CCSER2: variants seen among roughly 807,000 people sequenced by gnomAD.
CCSER2 encodes serine-rich coiled-coil domain-containing protein 2.
Under a neutral mutation model 92.3 loss-of-function variants are expected in CCSER2, and 46 were observed. The ratio of observed to expected loss-of-function variants is 0.50; its 90% CI spans 0.39 to 0.64. The LOEUF (loss-of-function observed/expected upper bound fraction) is 0.64. Ranked by LOEUF, CCSER2 falls within the 30% of genes least tolerant of loss-of-function variation. CCSER2 has a pLI of 0.00. For synonymous variants in CCSER2, 433 were observed against 431.4 expected, an observed-to-expected ratio of 1.00 and a Z score of -0.04; for missense variants, 1,244 against 1,238.9, an observed-to-expected ratio of 1.00 and a Z score of -0.06.
At chr10:84,490,811 G>GTGC (rs1386254643) in intron 9 of CCSER2, among the ~76,000 whole-genome samples, 1 of 152,224 alleles carries the variant, frequency 6.6e-6, no homozygotes. Context: ...AGGGGGAGAG[G>GTGC]TGCTCTGATT....
At chr10:84,341,124 T>C (rs1413183367) in intron 1 of CCSER2, among the ~76,000 whole-genome samples, 1 of 147,718 alleles carries the variant, frequency 6.8e-6, no homozygotes, top group African/African-American at 2.5e-5. Context: ...CACTGTAGCC[T>C]TAACCTCCTG....
intron 1 of CCSER2, among the ~76,000 whole-genome samples, chr10:84,337,492 T>C (rs537714379): frequency 2.0e-5 from 3 of 152,180 alleles, no homozygotes; most frequent in Non-Finnish European, 4.4e-5. Context: ...AAGTGAAGAC[T>C]TGATTGGAGT....
chr10:84,513,621 AC>A lies in CCSER2; in HGVS notation c.2499del (p.Tyr834MetfsTer14). 3 of 1,608,602 alleles carry A rather than the reference AC, an allele frequency of 1.9e-6. No individual in the cohort carries two copies. The highest frequency in any genetic ancestry group is 2.5e-6 in the Non-Finnish European group (3 of 1,177,956). Reference sequence around the variant, plus strand: ...ACACACGTCTTGCACCAAGAAAGCAACTATGGTTTGGAAGAGCAGCCTTTTT... The same window carrying A: ...ACACACGTCTTGCACCAAGAAAGCAATATGGTTTGGAAGAGCAGCCTTTTT... ...SFTHVLHQES[N>X]YGLEEQPFSS... On this transcript the variant is annotated frameshift_variant, in exon 10 of 10. Coordinates refer to ENST00000372088, the MANE Select transcript of CCSER2 (RefSeq NM_001284240.2). LOFTEE classifies it high-confidence loss of function.
chr10:84,419,369 T>TAAAATAAA (rs1843030503), intron 4 of CCSER2, among the ~76,000 whole-genome samples: 1 of 141,746 alleles, frequency 7.1e-6, no homozygotes, highest in Admixed American at 7.0e-5. Flanking sequence ...AAAAAAAAAA[T>TAAAATAAA]AAAATAAAGA....
chr10:84,349,051 A>AT (rs975388618), intron 1 of CCSER2, among the ~76,000 whole-genome samples: 6 of 151,024 alleles, frequency 4.0e-5, no homozygotes, highest in Admixed American at 6.6e-5. Context: ...TTGTATTCCA[A>AT]TTTTTTTTTC....
intron 6 of CCSER2, among the ~76,000 whole-genome samples, chr10:84,446,545 A>T (rs1167202741): frequency 1.3e-5 from 2 of 152,184 alleles, no homozygotes; most frequent in Non-Finnish European, 2.9e-5. Flanking sequence ...GAAGAGCCAG[A>T]GCATGCCTGT....
intron 9 of CCSER2, among the ~76,000 whole-genome samples, chr10:84,496,581 G>A (rs1435483505): frequency 6.6e-6 from 1 of 151,836 alleles, no homozygotes; most frequent in Non-Finnish European, 1.5e-5. Flanking sequence ...CACCGCGCCC[G>A]GCCTTCCCAG....
intron 1 of CCSER2, among the ~76,000 whole-genome samples, chr10:84,347,468 A>C (rs1280501814): frequency 2.5e-5 from 3 of 118,970 alleles, no homozygotes; most frequent in South Asian, 2.8e-4. Context: ...CTGACCCCCC[A>C]CCTCCCTCCC....
At chr10:84,374,057 C>A in intron 3 of CCSER2, 2 of 863,578 alleles carry the variant, frequency 2.3e-6, no homozygotes, top group Non-Finnish European at 3.4e-6. Context: ...TACATATGTG[C>A]ATACTATATT....
intron 6 of CCSER2, among the ~76,000 whole-genome samples, chr10:84,461,450 G>A (rs12269585): frequency 0.1 from 15,166 of 151,906 alleles, 957 homozygotes; most frequent in Admixed American, 0.15. Flanking sequence ...ATTACTGTCC[G>A]CATATGTTCC....
intron 3 of CCSER2, chr10:84,389,524 G>A (rs1841408197): frequency 3.7e-6 from 1 of 269,740 alleles, no homozygotes; most frequent in Non-Finnish European, 7.4e-6. Flanking sequence ...TTGCCCTGGG[G>A]GCCGATCTTG....
chr10:84,413,943 A>G (rs1036101317), intron 3 of CCSER2, among the ~76,000 whole-genome samples: 3 of 152,184 alleles, frequency 2.0e-5, no homozygotes, highest in Non-Finnish European at 2.9e-5. Flanking sequence ...TTTAAAGTCT[A>G]TTTTGTCAGA....
chr10:84,340,276 G>GT (rs1004898274), intron 1 of CCSER2, among the ~76,000 whole-genome samples: 1 of 152,064 alleles, frequency 6.6e-6, no homozygotes, highest in East Asian at 1.9e-4. Flanking sequence ...ACATTATGAG[G>GT]TTTTTTTGTT....
chr10:84,368,423 TTAG>T (rs973950967), intron 1 of CCSER2, among the ~76,000 whole-genome samples: 21 of 152,238 alleles, frequency 1.4e-4, no homozygotes, highest in African/African-American at 4.3e-4. Context: ...TATATATCTC[TTAG>T]TTGTTGGTAA....
At chr10:84,479,439 T>C (rs1564707319) in intron 9 of CCSER2, among the ~76,000 whole-genome samples, 1 of 152,168 alleles carries the variant, frequency 6.6e-6, no homozygotes, top group Non-Finnish European at 1.5e-5. Flanking sequence ...GTATTGAGAT[T>C]TGTCCAAGGG....
intron 9 of CCSER2, among the ~76,000 whole-genome samples, chr10:84,492,972 C>T (rs893057684): frequency 1.3e-5 from 2 of 152,102 alleles, no homozygotes; most frequent in Admixed American, 6.6e-5. Flanking sequence ...AACCTGGCCT[C>T]ATAAATACTT....
chr10:84,484,340 T>G (rs911109059), intron 9 of CCSER2, among the ~76,000 whole-genome samples: 4 of 151,846 alleles, frequency 2.6e-5, no homozygotes, highest in African/African-American at 4.8e-5. Flanking sequence ...CTTGAACTCC[T>G]GACCTCAGGT....
chr10:84,391,790 A>T, intron 3 of CCSER2: 1 of 1,566,822 alleles, frequency 6.4e-7, no homozygotes, highest in East Asian at 2.2e-5. Context: ...AACATAAGAG[A>T]CAATGAGGAA....
At chr10:84,499,343 C>T (rs1405736001) in intron 9 of CCSER2, among the ~76,000 whole-genome samples, 1 of 152,102 alleles carries the variant, frequency 6.6e-6, no homozygotes, top group African/African-American at 2.4e-5. Context: ...ACCATTTTGG[C>T]CAGGCTGGTC....
Sources: gnomAD v4.1 joint callset for allele counts (sites outside exome capture counted in the v4.1 genomes callset) on GRCh38, gnomAD v4.1.1 for gene constraint, MANE v1.5 for transcripts, NCBI Gene and HGNC (gene_info 2026-07-23, HGNC 2026-07-21) for gene names.